Variants in HS6ST2 observed in about 807,000 individuals in gnomAD.
The protein encoded by HS6ST2 is heparan-sulfate 6-O-sulfotransferase 2.
A neutral mutation model predicts 33.0 loss-of-function variants in HS6ST2; 17 were observed. The observed-to-expected ratio is 0.52, with a 90% confidence interval of 0.35 to 0.77. The LOEUF (loss-of-function observed/expected upper bound fraction) is 0.77, where lower values mean the gene tolerates loss of function less well. Ranked by LOEUF, HS6ST2 falls within the 30% of genes least tolerant of loss-of-function variation. The pLI, the probability that HS6ST2 is intolerant of heterozygous loss-of-function variation, is 0.01. For missense variants in HS6ST2, 519 were observed against 551.7 expected (o/e 0.94, Z 0.59); for synonymous variants, 248 against 237.1 (o/e 1.05, Z -0.42).
At chrX:132,823,658 C>A (rs2065483076) in intron 2 of HS6ST2, among the ~76,000 whole-genome samples, 1 of 100,870 alleles carries the variant, frequency 9.9e-6, no homozygotes, top group African/African-American at 3.7e-5. Context: ...GAGTTCGAGA[C>A]CAGCCTGGCC....
At position 132,956,822 on chromosome X, in the gene HS6ST2, C is replaced by A. The variant is rs1471239510; in HGVS notation, c.933G>T (p.Arg311Ser). 1 of 1,173,131 alleles carries A rather than the reference C, an allele frequency of 8.5e-7. No individual in the cohort carries two copies. Among genetic ancestry groups the A allele is most frequent in the Admixed American group, 2.5e-5 (1 of 40,123 alleles). The change falls in exon 2 of 5, where the codon AGG (arginine) becomes AGT (serine). Residue 311 changes from arginine (R) to serine (S), a missense_variant. By Grantham distance (110) the Arg-to-Ser change is moderately radical. Transcript: ENST00000370833. ...CGCGCACTCACCTGGACGGTCTCAG[C>A]CTGGCGTCGCGCTTGCCGTCCACCA... ...PSVVDGKRDA[R>S]LRPSRWRIFQ...
At chrX:132,788,227 C>G (rs1421817998) in intron 2 of HS6ST2, among the ~76,000 whole-genome samples, 2 of 111,921 alleles carry the variant, frequency 1.8e-5, no homozygotes, top group African/African-American at 6.5e-5. Context: ...ACAGCATGTG[C>G]TCACTTCATG....
At chrX:132,666,392 C>A (rs946594634) in intron 4 of HS6ST2, among the ~76,000 whole-genome samples, 26 of 111,613 alleles carry the variant, frequency 2.3e-4, no homozygotes, top group African/African-American at 6.8e-4. Flanking sequence ...TGCAATGGCA[C>A]AAAGTAAATG....
At chrX:132,792,745 TC>T (rs2065129319) in intron 2 of HS6ST2, among the ~76,000 whole-genome samples, 1 of 111,960 alleles carries the variant, frequency 8.9e-6, no homozygotes, top group African/African-American at 3.2e-5. Context: ...ATAAATGGAA[TC>T]ATACAATAAA....
At chrX:132,946,881 G>A (rs1319185849) in intron 2 of HS6ST2, among the ~76,000 whole-genome samples, 1 of 111,873 alleles carries the variant, frequency 8.9e-6, no homozygotes, top group Non-Finnish European at 1.9e-5. Context: ...GATCTTCTTG[G>A]AAAATAAGGC....
chrX:132,796,745 G>T (rs2065183818), intron 2 of HS6ST2, among the ~76,000 whole-genome samples: 1 of 111,939 alleles, frequency 8.9e-6, no homozygotes, highest in African/African-American at 3.2e-5. Context: ...CTCACATTAG[G>T]CTACTGATGC....
intron 2 of HS6ST2, among the ~76,000 whole-genome samples, chrX:132,772,515 T>C (rs2064910115): frequency 9.4e-6 from 1 of 106,249 alleles, no homozygotes; most frequent in South Asian, 3.9e-4. Context: ...TTAATATATG[T>C]ATATATTGCA....
chrX:132,932,882 ATATATTC>A (rs1434485360), intron 2 of HS6ST2, among the ~76,000 whole-genome samples: 8 of 105,918 alleles, frequency 7.6e-5, no homozygotes, highest in Non-Finnish European at 1.2e-4. Context: ...TCTATTCTAT[ATATATTC>A]TATATTCTAT....
intron 3 of HS6ST2, among the ~76,000 whole-genome samples, chrX:132,683,743 T>C (rs2063993498): frequency 9.0e-6 from 1 of 111,386 alleles, no homozygotes; most frequent in African/African-American, 3.3e-5. Flanking sequence ...GGGCTGTAAC[T>C]AACAGAAATC....
intron 2 of HS6ST2, among the ~76,000 whole-genome samples, chrX:132,750,617 G>A (rs955984536): frequency 1.8e-5 from 2 of 111,785 alleles, no homozygotes; most frequent in Admixed American, 9.5e-5. Context: ...GTAGAATCAC[G>A]TGGATATATA....
chrX:132,724,807 C>T (rs766614336), intron 2 of HS6ST2, among the ~76,000 whole-genome samples: 1 of 111,656 alleles, frequency 9.0e-6, no homozygotes, highest in African/African-American at 3.3e-5. Context: ...TAAAAACAGA[C>T]AGGTCAATGG....
intron 2 of HS6ST2, among the ~76,000 whole-genome samples, chrX:132,774,480 T>C (rs993527404): frequency 8.9e-6 from 1 of 111,858 alleles, no homozygotes; most frequent in African/African-American, 3.2e-5. Context: ...AGAGAGACCT[T>C]ATCTATCTGG....
chrX:132,817,440 G>A (rs1222453435), intron 2 of HS6ST2, among the ~76,000 whole-genome samples: 1 of 111,248 alleles, frequency 9.0e-6, no homozygotes, highest in Non-Finnish European at 1.9e-5. Flanking sequence ...GGAAATCAGT[G>A]TAACAGCCCT....
intron 2 of HS6ST2, among the ~76,000 whole-genome samples, chrX:132,938,183 T>A (rs1411355267): frequency 5.3e-5 from 5 of 94,823 alleles, no homozygotes; most frequent in Non-Finnish European, 8.5e-5. Flanking sequence ...AACAAATAAA[T>A]AAAAAATAAA....
intron 2 of HS6ST2, among the ~76,000 whole-genome samples, chrX:132,924,105 C>T (rs1272531164): frequency 8.9e-6 from 1 of 112,268 alleles, no homozygotes; most frequent in East Asian, 2.8e-4. Flanking sequence ...CGATACGTAA[C>T]TTCCTTCAGG....
chrX:132,904,860 T>C (rs1225755970), intron 2 of HS6ST2, among the ~76,000 whole-genome samples: 1 of 110,486 alleles, frequency 9.1e-6, no homozygotes. Flanking sequence ...TGTACCAGCT[T>C]ACACTCACAG....
intron 2 of HS6ST2, among the ~76,000 whole-genome samples, chrX:132,954,386 C>T (rs951187293): frequency 7.2e-5 from 8 of 111,806 alleles, no homozygotes; most frequent in Admixed American, 1.9e-4. Context: ...GCTTCTCACC[C>T]CCACATTTCA....
At chrX:132,671,499 T>C (rs2063879072) in intron 3 of HS6ST2, among the ~76,000 whole-genome samples, 1 of 106,145 alleles carries the variant, frequency 9.4e-6, no homozygotes, top group Admixed American at 1.0e-4. Flanking sequence ...TAAATTCCCA[T>C]GTCTGCGCCT....
At chrX:132,804,586 G>A (rs1008070330) in intron 2 of HS6ST2, among the ~76,000 whole-genome samples, 2 of 112,065 alleles carry the variant, frequency 1.8e-5, no homozygotes, top group Non-Finnish European at 3.8e-5. Flanking sequence ...GATCGCTTGA[G>A]CTCAGAAGTT....
Sources: allele counts gnomAD v4.1 joint callset (sites outside exome capture counted in the v4.1 genomes callset), GRCh38; gene constraint gnomAD v4.1.1; transcripts MANE v1.5; gene names NCBI Gene and HGNC (gene_info 2026-07-23, HGNC 2026-07-21).